The following MSMO1 variants were observed in gnomAD, a reference collection of about 807,000 sequenced individuals.
MSMO1 encodes the protein C-4 methylsterol oxidase.
Under a neutral mutation model 30.4 loss-of-function variants are expected in MSMO1, and 18 were observed. The observed-to-expected ratio is 0.59, with a 90% CI of 0.41 to 0.88. The LOEUF (loss-of-function observed/expected upper bound fraction) is 0.88. Among genes scored for constraint, MSMO1 ranks in the 40% least tolerant of loss-of-function variants. The probability of loss-of-function intolerance (pLI) is 0.00; values close to 1 mark genes in which losing one functional copy is unlikely to be tolerated. For missense variants in MSMO1, 284 were observed against 340.5 expected, an observed-to-expected ratio of 0.83 and a Z score of 1.31; for synonymous variants, 84 against 107.9, an observed-to-expected ratio of 0.78 and a Z score of 1.37.
intron 4 of MSMO1, 111 bp from the exon 5 acceptor site, chr4:165,340,110 T>G: frequency 1.1e-6 from 1 of 893,568 alleles, no homozygotes; most frequent in African/African-American, 1.6e-5. Flanking sequence ...CAACAACATC[T>G]AGACTGGTAT....
chr4:165,333,127 A>C (rs1291981343), intron 1 of MSMO1, among the ~76,000 whole-genome samples: 1 of 152,188 alleles, frequency 6.6e-6, no homozygotes, highest in African/African-American at 2.4e-5. Context: ...GTGTTTTTTA[A>C]AGGAATATCT....
chr4:165,328,933 G>T (rs1397302065), intron 1 of MSMO1, among the ~76,000 whole-genome samples: 3 of 152,202 alleles, frequency 2.0e-5, no homozygotes, highest in East Asian at 3.8e-4. Context: ...GGCGGGGGTT[G>T]TGAGGAGCAC....
At chr4:165,334,062 C>A (rs1037748192) in intron 2 of MSMO1, among the ~76,000 whole-genome samples, 2 of 152,034 alleles carry the variant, frequency 1.3e-5, no homozygotes, top group East Asian at 1.9e-4. Context: ...CTAGCATAGG[C>A]GACAGAGTGA....
Position 165,338,642 on chromosome 4 carries a change from T to A in MSMO1, c.405-10T>A. The A allele has an allele frequency of 6.2e-7, 1 of 1,605,548 alleles. No individual in the cohort carries two copies. The highest frequency in any genetic ancestry group is 8.5e-7 in the Non-Finnish European group (1 of 1,172,356). Reference sequence around the variant, plus strand: ...TATTTCTTACACATTACAACATTTTTATCTTAAAGGTATTTTCTTTTGGCA... The same window carrying A: ...TATTTCTTACACATTACAACATTTTAATCTTAAAGGTATTTTCTTTTGGCA... On this transcript the variant is annotated splice_polypyrimidine_tract_variant and intron_variant, in intron 3 of 5. Transcript: ENST00000261507.
At position 165,333,776 on chromosome 4, in the gene MSMO1, A is replaced by G. The variant is rs886103378; in HGVS notation, c.255+151A>G. 70 of 891,684 alleles carry G rather than the reference A, an allele frequency of 7.9e-5. 1 individual carries two copies. Among genetic ancestry groups the G allele is most frequent in the Non-Finnish European group, 1.0e-4 (63 of 622,062 alleles). The allele number at this position is 891,684 out of a possible 1,614,324, so 55.2% of individuals were successfully genotyped here. A position where few individuals can be genotyped will look rare whatever the true frequency, so the allele number is the denominator to read the frequency against. ...AATTTTAAATTTTCTAGTAGAATAC[A>G]TAGAAAAGGTAAAAAGAAATAAGGA... On this transcript the variant is annotated intron_variant, in intron 2 of 5. Transcript: ENST00000261507.
chr4:165,330,092 C>G (rs1212375096), intron 1 of MSMO1, among the ~76,000 whole-genome samples: 3 of 152,178 alleles, frequency 2.0e-5, no homozygotes, highest in Non-Finnish European at 2.9e-5. Context: ...TCTCCTTGTA[C>G]TCTAATACTT....
intron 2 of MSMO1, among the ~76,000 whole-genome samples, chr4:165,336,987 C>T (rs115650825): frequency 0.019 from 2,884 of 152,226 alleles, 89 homozygotes; most frequent in African/African-American, 0.065. Flanking sequence ...CTTTGGATAT[C>T]GTGGTTCAAT....
Position 165,337,936 on chromosome 4 carries a change from T to G in MSMO1, c.403T>G (p.Trp135Gly), listed in dbSNP as rs1232090961. The change falls in exon 3 of 6, where the codon TGG becomes GGG. Residue 135 changes from tryptophan to glycine, a missense_variant and splice_region_variant. Trp to Gly is a radical substitution (Grantham distance 184). Coordinates refer to ENST00000261507, the MANE Select transcript of MSMO1 (RefSeq NM_006745.5). Reference sequence around the variant, plus strand: ...TTATGATTGGGAAAGAATGCCAAGATGGTACGTAGATAAAAATTTGGCTTT... The same window carrying G: ...TTATGATTGGGAAAGAATGCCAAGAGGGTACGTAGATAAAAATTTGGCTTT... Reference protein sequence around the residue: ...IPYDWERMPRWYFLLARCFGC... With the variant: ...IPYDWERMPRGYFLLARCFGC... 6.2e-7 allele frequency: 1 copy of G among 1,613,286 alleles called. No homozygotes were observed. The highest frequency in any genetic ancestry group is 2.2e-5 in the East Asian group (1 of 44,748).
At chr4:165,341,681 ATTAT>A in intron 5 of MSMO1, 66 bp from the exon 6 acceptor site, 1 of 1,405,196 alleles carries the variant, frequency 7.1e-7, no homozygotes, top group Non-Finnish European at 1.0e-6. Flanking sequence ...TGAACACATG[ATTAT>A]TAATAAAAAC....
At chr4:165,340,713 A>G (rs1387274590) in intron 5 of MSMO1, 1 of 237,994 alleles carries the variant, frequency 4.2e-6, no homozygotes, top group African/African-American at 2.3e-5. Flanking sequence ...TCTAATCTCT[A>G]CTGTTCAGCA....
At chr4:165,331,194 T>C (rs1747378877) in intron 1 of MSMO1, among the ~76,000 whole-genome samples, 1 of 151,654 alleles carries the variant, frequency 6.6e-6, no homozygotes, top group Non-Finnish European at 1.5e-5. Context: ...TGGTCCCAGC[T>C]ACGAGGGGCT....
chr4:165,330,959 G>A (rs1747372075), intron 1 of MSMO1, among the ~76,000 whole-genome samples: 1 of 152,160 alleles, frequency 6.6e-6, no homozygotes, highest in Non-Finnish European at 1.5e-5. Context: ...AAAGATAAAT[G>A]GGACAGTGGC....
At chr4:165,341,126 A>G (rs1213242007) in intron 5 of MSMO1, among the ~76,000 whole-genome samples, 1 of 152,100 alleles carries the variant, frequency 6.6e-6, no homozygotes, top group African/African-American at 2.4e-5. Context: ...TCAAATAAGT[A>G]TAACTGGATG....
At position 165,343,010 on chromosome 4, in the gene MSMO1, T is replaced by C. The variant is rs553023363; in HGVS notation, c.*1064T>C. On this transcript the variant is annotated 3_prime_UTR_variant, in exon 6 of 6. Transcript: ENST00000261507. Reference sequence around the variant, plus strand: ...CATTAAAAACTGTATCTTGAAACTTTGTGAACTGACTTGCTGTATTTGCAC... The same window carrying C: ...CATTAAAAACTGTATCTTGAAACTTCGTGAACTGACTTGCTGTATTTGCAC... 1 of 152,780 alleles carries C rather than the reference T, an allele frequency of 6.5e-6. No individual in the cohort carries two copies. The highest frequency in any genetic ancestry group is 1.9e-4 in the East Asian group (1 of 5,184). The allele number at this position is 152,780 out of a possible 1,614,324, so 9.5% of individuals were successfully genotyped here. A position where few individuals can be genotyped will look rare whatever the true frequency, so the allele number is the denominator to read the frequency against.
rs143847412 is a variant in MSMO1, at chr4:165,334,872, C to T, written c.255+1247C>T. Among the ~76,000 whole-genome samples, 952 of 152,272 alleles carry T rather than the reference C, an allele frequency of 6.3e-3. 12 individuals carry two copies. Among genetic ancestry groups the T allele is most frequent in the African/African-American group, 0.022 (903 of 41,568 alleles). On this transcript the variant is annotated intron_variant, in intron 2 of 5. Coordinates refer to ENST00000261507, the MANE Select transcript of MSMO1 (RefSeq NM_006745.5). ...TTACATTCACTTAGTACAATTGGCC[C>T]TCCATATCCATGGGTTGTTGTATCC...
At position 165,338,009 on chromosome 4, in the gene MSMO1, C is replaced by T. The variant is rs12501541; in HGVS notation, c.404+72C>T. 356,861 of 1,375,948 alleles carry T rather than the reference C, an allele frequency of 0.26. 51,655 individuals carry two copies. Among genetic ancestry groups the T allele is most frequent in the Admixed American group, 0.5 (28,698 of 57,298 alleles). 85.2% of individuals were successfully genotyped at this position (1,375,948 alleles called of 1,614,324 possible). A position where few individuals can be genotyped will look rare whatever the true frequency, so the allele number is the denominator to read the frequency against. ...AGTTAAGTTATACTTAATGTTTACC[C>T]GTTTTCTTAATTTTAGTTAATGTTT... On this transcript the variant is annotated intron_variant, in intron 3 of 5. Coordinates refer to ENST00000261507, the MANE Select transcript of MSMO1 (RefSeq NM_006745.5).
Position 165,340,206 on chromosome 4 carries a change from ATC to A in MSMO1, c.532-13_532-12del. On this transcript the variant is annotated splice_polypyrimidine_tract_variant and intron_variant, in intron 4 of 5. Coordinates refer to ENST00000261507, the MANE Select transcript of MSMO1 (RefSeq NM_006745.5). ...ATAGCTAAGAAATTAAGAATTTCTT[ATC>A]TGTTTGTCTTAGGCTCCATTTGGAA... is the stretch of plus-strand genomic sequence containing the variant. The A allele has an allele frequency of 6.2e-6, 10 of 1,612,584 alleles. No homozygotes were observed. The highest frequency in any genetic ancestry group is 8.5e-6 in the Non-Finnish European group (10 of 1,179,330).
chr4:165,336,298 T>TA (rs1747543574), intron 2 of MSMO1, among the ~76,000 whole-genome samples: 1 of 152,010 alleles, frequency 6.6e-6, no homozygotes, highest in Admixed American at 6.6e-5. Flanking sequence ...ATAAATGTAC[T>TA]AAAAATATTA....
In MSMO1 at chr4:165,341,926, T is replaced by A. The variant is rs771867447; in HGVS notation, c.862T>A (p.Phe288Ile). 6.2e-7 allele frequency: 1 copy of A among 1,612,050 alleles called. No individual in the cohort carries two copies. Residue 288 changes from phenylalanine (F) to isoleucine (I), a missense_variant, in exon 6 of 6, where the codon TTT (phenylalanine) becomes ATT (isoleucine). Physicochemically the swap from Phe to Ile is conservative, Grantham distance 21 (BLOSUM62 0). Transcript: ENST00000261507. ...TGCCTATAATGAAAAGAGGAAGAAGTTTGAGAAAAAGACTGAATAAATATC... is the reference window on the plus strand; with the variant it reads ...TGCCTATAATGAAAAGAGGAAGAAGATTGAGAAAAAGACTGAATAAATATC... ...YNAYNEKRKKFEKKTE is the reference protein window; with the variant it reads ...YNAYNEKRKKIEKKTE
Sources: allele counts gnomAD v4.1 joint callset (sites outside exome capture counted in the v4.1 genomes callset), GRCh38; gene constraint gnomAD v4.1.1; transcripts MANE v1.5; gene names NCBI Gene and HGNC (gene_info 2026-07-23, HGNC 2026-07-21).